Variants in OGA observed in about 807,000 individuals in gnomAD.
OGA encodes protein O-GlcNAcase.
Under a neutral mutation model 102.0 loss-of-function variants are expected in OGA, and 21 were observed. The ratio of observed to expected loss-of-function variants is 0.21; its 90% confidence interval spans 0.15 to 0.30. The LOEUF is 0.30. OGA is among the 10% of genes least tolerant of loss of function. The probability of loss-of-function intolerance (pLI) is 1.00; values close to 1 mark genes in which losing one functional copy is unlikely to be tolerated. For missense variants in OGA, 765 were observed against 1,107.8 expected, an observed-to-expected ratio of 0.69 and a Z score of 4.39; for synonymous variants, 408 against 378.2, an observed-to-expected ratio of 1.08 and a Z score of -0.91.
At chr10:101,791,181 C>A in intron 13 of OGA, 93 bp from the exon 14 acceptor site, 1 of 1,346,578 alleles carries the variant, frequency 7.4e-7, no homozygotes, top group South Asian at 1.4e-5. Context: ...CTTGCATGAA[C>A]TTACGGAACC....
In OGA at chr10:101,804,542, G is replaced by A. The variant is rs575890297; in HGVS notation, c.752-523C>T. 5.9e-5 allele frequency among the ~76,000 whole-genome samples: 9 copies of A among 152,104 alleles called. No individual in the cohort carries two copies. In the East Asian group the frequency reaches 1.5e-3, roughly 26 times the overall value. On this transcript the variant is annotated intron_variant, in intron 6 of 15. Transcript: ENST00000361464. ...CCTGCCTCGGCCTCCCAAAGTGCTG[G>A]GATTACAGGCGTGAGCCACTGCGCC...
chr10:101,796,558 T>C (rs899121797), intron 10 of OGA, among the ~76,000 whole-genome samples: 1 of 151,304 alleles, frequency 6.6e-6, no homozygotes, highest in Non-Finnish European at 1.5e-5. Context: ...CTGCGCACGG[T>C]CAGTATTTCC....
intron 9 of OGA, 117 bp downstream of exon 9, chr10:101,798,725 T>C (rs2065351536): frequency 7.6e-7 from 1 of 1,316,824 alleles, no homozygotes; most frequent in East Asian, 2.4e-5. Flanking sequence ...AAAGAACATA[T>C]TCTAAAACAT....
Position 101,818,411 on chromosome 10 carries a change from T to G in OGA, c.-389A>C. 2.9e-6 allele frequency: 3 copies of G among 1,018,170 alleles called. No homozygotes were observed. The highest frequency in any genetic ancestry group is 1.7e-5 in the African/African-American group (1 of 58,308). The allele number at this position is 1,018,170 out of a possible 1,614,324, so 63.1% of individuals were successfully genotyped here. The stretch of plus-strand genomic sequence containing the variant: ...TCCAAGCCCCGAGCTCTCCCTCTGC[T>G]GCTGCCTCCACCGCCCGCTTCCTGT... On this transcript the variant is annotated 5_prime_UTR_variant, in exon 1 of 16. Transcript: ENST00000361464.
rs952147363 is a variant in OGA, at chr10:101,785,708, C to T, written c.*743G>A. 6.6e-6 allele frequency: 1 copy of T among 152,572 alleles called. No individual in the cohort carries two copies. Among genetic ancestry groups the T allele is most frequent in the Non-Finnish European group, 1.5e-5 (1 of 68,040 alleles). 9.5% of individuals were successfully genotyped at this position (152,572 alleles called of 1,614,324 possible). A position where few individuals can be genotyped will look rare whatever the true frequency, so the allele number is the denominator to read the frequency against. On this transcript the variant is annotated 3_prime_UTR_variant, in exon 16 of 16. Transcript: ENST00000361464. ...TTCAAAGTGCCATTCTGAACCAACA[C>T]CCTTTCATTTATAGAGGAAAAAAAT... is the stretch of plus-strand genomic sequence containing the variant.
chr10:101,815,439 C>T (rs2065609233), intron 1 of OGA, among the ~76,000 whole-genome samples: 1 of 152,166 alleles, frequency 6.6e-6, no homozygotes, highest in Non-Finnish European at 1.5e-5. Context: ...AGCCCGCCAC[C>T]ACGCCCGGCT....
At chr10:101,816,213 C>T (rs1005060967) in intron 1 of OGA, among the ~76,000 whole-genome samples, 3 of 151,978 alleles carry the variant, frequency 2.0e-5, no homozygotes, top group African/African-American at 7.3e-5. Context: ...CAGTGAGCCG[C>T]GATCACGCCA....
chr10:101,788,667 G>A (rs1170392464), intron 14 of OGA, among the ~76,000 whole-genome samples: 1 of 151,620 alleles, frequency 6.6e-6, no homozygotes, highest in Non-Finnish European at 1.5e-5. Context: ...CCTGGGAGGC[G>A]GAGGTTGCAG....
rs2065359812 is a variant in OGA at position 101,799,340 on chromosome 10, A to T, written c.1311T>A (p.Ile437=). 1 of 1,614,018 alleles carries T rather than the reference A, an allele frequency of 6.2e-7. No individual in the cohort carries two copies. The change falls in exon 9 of 16, where the codon ATT becomes ATA. Residue 437 remains isoleucine (I), a synonymous_variant. Coordinates refer to ENST00000361464, the MANE Select transcript of OGA (RefSeq NM_012215.5). ...TVVTTVYQEP[I]MSQGAALSGE... The stretch of plus-strand genomic sequence containing the variant: ...CACTCAAGGCTGCTCCCTGGCTCAT[A>T]ATGGGCTCCTGATAAACTGTTGTTA...
At chr10:101,797,532 G>C (rs1233574392) in intron 10 of OGA, 1 of 215,604 alleles carries the variant, frequency 4.6e-6, no homozygotes, top group African/African-American at 2.3e-5. Flanking sequence ...ACAGGGCTGG[G>C]AGGATGGCTT....
In OGA at chr10:101,818,411, T is replaced by TG; in HGVS notation, c.-390dup. ...TCCAAGCCCCGAGCTCTCCCTCTGC[T>TG]GCTGCCTCCACCGCCCGCTTCCTGT... On this transcript the variant is annotated 5_prime_UTR_variant, in exon 1 of 16. Coordinates refer to ENST00000361464, the MANE Select transcript of OGA (RefSeq NM_012215.5). The TG allele has an allele frequency of 9.8e-7, 1 of 1,018,170 alleles. No homozygotes were observed. 63.1% of individuals were successfully genotyped at this position (1,018,170 alleles called of 1,614,324 possible).
At chr10:101,816,875 G>GT (rs1423763831) in intron 1 of OGA, among the ~76,000 whole-genome samples, 6 of 151,994 alleles carry the variant, frequency 3.9e-5, no homozygotes, top group Non-Finnish European at 5.9e-5. Flanking sequence ...TACCTTTTTG[G>GT]TTTTTTAAAT....
chr10:101,818,403 C>G lies in OGA; in HGVS notation c.-381G>C, dbSNP rs535273075. On this transcript the variant is annotated 5_prime_UTR_variant, in exon 1 of 16. Coordinates refer to ENST00000361464, the MANE Select transcript of OGA (RefSeq NM_012215.5). ...GTTTCCCCTCCAAGCCCCGAGCTCTCCCTCTGCTGCTGCCTCCACCGCCCG... is the reference window on the plus strand; with the variant it reads ...GTTTCCCCTCCAAGCCCCGAGCTCTGCCTCTGCTGCTGCCTCCACCGCCCG... The G allele has an allele frequency of 6.0e-5, 61 of 1,024,340 alleles. No individual in the cohort carries two copies. The highest frequency in any genetic ancestry group is 4.7e-4 in the Middle Eastern group (1 of 2,120). 63.5% of individuals were successfully genotyped at this position (1,024,340 alleles called of 1,614,324 possible).
At chr10:101,802,334 A>G (rs2065403719) in intron 7 of OGA, among the ~76,000 whole-genome samples, 1 of 152,220 alleles carries the variant, frequency 6.6e-6, no homozygotes, top group Non-Finnish European at 1.5e-5. Context: ...TTATCACACT[A>G]TAGTACAATT....
In OGA at chr10:101,818,053, G is replaced by A. The variant is rs1481266851; in HGVS notation, c.-31C>T. The A allele has an allele frequency of 6.5e-7, 1 of 1,536,492 alleles. No homozygotes were observed. The highest frequency in any genetic ancestry group is 2.4e-5 in the East Asian group (1 of 41,818). On this transcript the variant is annotated 5_prime_UTR_variant, in exon 1 of 16. Coordinates refer to ENST00000361464, the MANE Select transcript of OGA (RefSeq NM_012215.5). The stretch of plus-strand genomic sequence containing the variant: ...TGCCCCCGGCCGCTGCCACCTCTGC[G>A]GGTCCTCCTCGACCTCTGTCCGTTG...
At chr10:101,813,154 T>C (rs896890285) in intron 2 of OGA, 27 bp from the exon 3 acceptor site, 1 of 1,447,802 alleles carries the variant, frequency 6.9e-7, no homozygotes, top group Non-Finnish European at 9.6e-7. Flanking sequence ...ATTACATATG[T>C]ATAAACAGGC....
At chr10:101,802,135 GCT>G (rs2065401067) in intron 7 of OGA, among the ~76,000 whole-genome samples, 1 of 151,830 alleles carries the variant, frequency 6.6e-6, no homozygotes, top group Admixed American at 6.6e-5. Flanking sequence ...ACAGAGCGAG[GCT>G]CTGTCTCAAA....
chr10:101,801,162 G>T (rs561992007), intron 7 of OGA, among the ~76,000 whole-genome samples: 1 of 151,878 alleles, frequency 6.6e-6, no homozygotes, highest in South Asian at 2.1e-4. Context: ...AGGCTGAGGC[G>T]GGCAAATCAC....
chr10:101,812,425 A>C (rs1337536259), intron 3 of OGA, among the ~76,000 whole-genome samples: 1 of 152,110 alleles, frequency 6.6e-6, no homozygotes, highest in Non-Finnish European at 1.5e-5. Context: ...AAAACAAAAC[A>C]AAACAAAACC....
Sources: allele counts gnomAD v4.1 joint callset (sites outside exome capture counted in the v4.1 genomes callset), GRCh38; gene constraint gnomAD v4.1.1; transcripts MANE v1.5; gene names NCBI Gene and HGNC (gene_info 2026-07-23, HGNC 2026-07-21).